Variants in TKTL1 observed in about 807,000 individuals in gnomAD.
TKTL1 encodes the protein transketolase-like protein 1.
In TKTL1, 1 loss-of-function variant was observed where a neutral mutation model predicts 39.3. The ratio of observed to expected loss-of-function variants is 0.03; its 90% CI spans 0.01 to 0.12. TKTL1 has a LOEUF of 0.12. Among genes scored for constraint, TKTL1 ranks in the 10% least tolerant of loss-of-function variants. The pLI, the probability that TKTL1 is intolerant of heterozygous loss-of-function variation, is 1.00. For synonymous variants in TKTL1, 262 were observed against 193.8 expected (o/e 1.35, Z -2.92); for missense variants, 575 against 509.6 (o/e 1.13, Z -1.24).
At chrX:154,308,572 CAG>C (rs2067332648) in intron 2 of TKTL1, among the ~76,000 whole-genome samples, 1 of 112,024 alleles carries the variant, frequency 8.9e-6, no homozygotes, top group Admixed American at 9.5e-5. Context: ...ACTGCAGTGA[CAG>C]AGGCAAGGGA....
chrX:154,297,192 T>C (rs1196779169), intron 1 of TKTL1, among the ~76,000 whole-genome samples: 1 of 112,013 alleles, frequency 8.9e-6, no homozygotes, highest in African/African-American at 3.2e-5. Context: ...TTGAATTTGC[T>C]AGTATGCGGT....
chrX:154,308,513 T>TC (rs2067332231), intron 2 of TKTL1, among the ~76,000 whole-genome samples: 1 of 111,250 alleles, frequency 9.0e-6, no homozygotes, highest in Non-Finnish European at 1.9e-5. Flanking sequence ...TTTAACAGGC[T>TC]CCCCCTTGTG....
chrX:154,312,903 TG>T, intron 6 of TKTL1, 130 bp downstream of exon 6: 1 of 623,414 alleles, frequency 1.6e-6, no homozygotes, highest in Non-Finnish European at 2.4e-6. Flanking sequence ...TAGAGTGACA[TG>T]TAACTAACAG....
rs1557167808 is a variant in TKTL1 at position 154,309,336 on chromosome X, C to G, written c.253-9C>G. The G allele has an allele frequency of 5.8e-6, 7 of 1,207,809 alleles. No individual in the cohort carries two copies. The South Asian group carries it at 1.1e-4, about 18-fold the overall frequency. On this transcript the variant is annotated splice_polypyrimidine_tract_variant and intron_variant, in intron 2 of 12. Coordinates refer to ENST00000369915, the MANE Select transcript of TKTL1 (RefSeq NM_012253.4). ...TGCGTCTGGGCTCACTGGGTCCCTT[C>G]TCTTACAGAGACTGTCGTTTGTGGA...
At position 154,323,314 on chromosome X, in the gene TKTL1, G is replaced by C. The variant is rs782232261; in HGVS notation, c.1294G>C (p.Val432Leu). Residue 432 changes from valine (V) to leucine (L), a missense_variant, in exon 9 of 13, where the codon GTT (valine) becomes CTT (leucine). Physicochemically the swap from Val to Leu is conservative, Grantham distance 32. Transcript: ENST00000369915. ...PTDAVSTEHA[V>L]ALAANAKGMC... is the part of the protein sequence containing the mutation. ...TGATGCCGTCTCCACGGAGCATGCT[G>C]TTGCTCTGGCAGCCAATGCCAAGGT... 4 of 1,209,912 alleles carry C rather than the reference G, an allele frequency of 3.3e-6. No homozygotes were observed. The Admixed American group carries it at 8.7e-5, about 26-fold the overall frequency.
At chrX:154,315,855 C>T (rs1452669510) in intron 7 of TKTL1, among the ~76,000 whole-genome samples, 3 of 112,267 alleles carry the variant, frequency 2.7e-5, no homozygotes, top group Non-Finnish European at 3.8e-5. Flanking sequence ...TTATCTATGC[C>T]TCAGTCTCTC....
chrX:154,310,009 A>G (rs1206613204), intron 3 of TKTL1, among the ~76,000 whole-genome samples: 8 of 109,644 alleles, frequency 7.3e-5, no homozygotes, highest in Non-Finnish European at 1.3e-4. Context: ...TGCTGGGATT[A>G]CAGATGTGAG....
At chrX:154,315,033 A>C in intron 6 of TKTL1, 140 bp from the exon 7 acceptor site, 6 of 661,143 alleles carry the variant, frequency 9.1e-6, no homozygotes, top group Middle Eastern at 3.5e-4. Context: ...CATTAAAGGA[A>C]ATTTTTGGTG....
intron 2 of TKTL1, among the ~76,000 whole-genome samples, chrX:154,308,441 T>A (rs782587773): frequency 5.4e-5 from 6 of 111,616 alleles, no homozygotes; most frequent in Non-Finnish European, 1.1e-4. Flanking sequence ...ACAGTTGAGC[T>A]CTACTTGGTG....
intron 1 of TKTL1, among the ~76,000 whole-genome samples, chrX:154,297,864 C>T (rs782697832): frequency 7.2e-4 from 80 of 111,740 alleles, no homozygotes; most frequent in Non-Finnish European, 1.2e-3. Context: ...AAGATTGTGC[C>T]ACTACGGCCT....
At position 154,320,829 on chromosome X, in the gene TKTL1, A is replaced by G. The variant is rs144486560; in HGVS notation, c.1102A>G (p.Thr368Ala). The G allele has an allele frequency of 5.0e-6, 6 of 1,208,935 alleles. No individual in the cohort carries two copies. The African/African-American group carries it at 8.8e-5, about 18-fold the overall frequency. Residue 368 changes from threonine (T) to alanine (A), a missense_variant, in exon 8 of 13, where the codon ACT (threonine) becomes GCT (alanine). Coordinates refer to ENST00000369915, the MANE Select transcript of TKTL1 (RefSeq NM_012253.4). The part of the protein sequence containing the change: ...AFASTFAAFL[T>A]RAFDHIRIGG... ...TGCTAGCACCTTTGCTGCCTTTCTG[A>G]CTCGAGCATTTGATCACATCCGGAT... is the stretch of plus-strand genomic sequence containing the variant.
At chrX:154,301,553 G>T (rs1294706553) in intron 1 of TKTL1, among the ~76,000 whole-genome samples, 2 of 112,161 alleles carry the variant, frequency 1.8e-5, no homozygotes, top group East Asian at 5.5e-4. Flanking sequence ...CAGAGCCTGG[G>T]CTAGATAGTA....
rs12010971 is a variant in TKTL1, at chrX:154,329,810, A to C, written c.*122A>C. ...AAAAGCAAAGCCAGCTAACACCTTC[A>C]TTCATCCCTAGTTCGGAAATTCAAG... On this transcript the variant is annotated 3_prime_UTR_variant, in exon 13 of 13. Transcript: ENST00000369915. The C allele has an allele frequency of 0.01, 8,187 of 792,625 alleles. 442 individuals are homozygous for C. The African/African-American group carries it at 0.15, about 14-fold the overall frequency. The allele number at this position is 792,625 out of a possible 1,213,427, so 65.3% of individuals were successfully genotyped here. A position where few individuals can be genotyped will look rare whatever the true frequency, so the allele number is the denominator to read the frequency against.
rs782054909 is a variant in TKTL1, at chrX:154,323,396, A to C, written c.1317+59A>C. ...AATGCTTCTGGACTCTGCTAGTTTC[A>C]TACTGATGATTGGACTTTTTTTTCT... On this transcript the variant is annotated intron_variant, in intron 9 of 12. Coordinates refer to ENST00000369915, the MANE Select transcript of TKTL1 (RefSeq NM_012253.4). 7.9e-6 allele frequency: 9 copies of C among 1,134,870 alleles called. No individual in the cohort carries two copies. In the African/African-American group the frequency reaches 9.3e-5, roughly 12 times the overall value. The allele number at this position is 1,134,870 out of a possible 1,213,427, so 93.5% of individuals were successfully genotyped here.
At chrX:154,310,428 CTCAA>C (rs1224762351) in intron 3 of TKTL1, among the ~76,000 whole-genome samples, 4 of 112,116 alleles carry the variant, frequency 3.6e-5, no homozygotes, top group Non-Finnish European at 7.5e-5. Flanking sequence ...GAAACTCTGC[CTCAA>C]ACAAACAAAC....
rs782321454 is a variant in TKTL1, at chrX:154,311,041, C to T, written c.542+14C>T. 62 of 1,209,928 alleles carry T rather than the reference C, an allele frequency of 5.1e-5. No homozygotes were observed. Among genetic ancestry groups the T allele is most frequent in the Non-Finnish European group, 6.9e-5 (62 of 894,848 alleles). ...CGAAGCCTTTGGGTAACTGTATTCT[C>T]TTGTGCTTGATTTCCATTCTGTCCT... On this transcript the variant is annotated intron_variant, in intron 4 of 12. Transcript: ENST00000369915.
chrX:154,315,392 G>A (rs1390394193), intron 7 of TKTL1, 55 bp downstream of exon 7: 4 of 1,084,507 alleles, frequency 3.7e-6, no homozygotes, highest in African/African-American at 3.7e-5. Context: ...ACTGGACACA[G>A]GAGGCCCAGC....
At chrX:154,323,173 T>C in intron 8 of TKTL1, 34 bp from the exon 9 acceptor site, 1 of 1,206,394 alleles carries the variant, frequency 8.3e-7, no homozygotes, top group South Asian at 1.8e-5. Flanking sequence ...AATGGGGTTA[T>C]GCTCCTGTTT....
chrX:154,305,002 A>G (rs1423383067), intron 1 of TKTL1: 9 of 1,042,978 alleles, frequency 8.6e-6, no homozygotes, highest in Non-Finnish European at 1.1e-5. Context: ...GCATGTGGAA[A>G]GGCCACAGAT....
Sources: allele counts gnomAD v4.1 joint callset (sites outside exome capture counted in the v4.1 genomes callset), GRCh38; gene constraint gnomAD v4.1.1; transcripts MANE v1.5; gene names NCBI Gene and HGNC (gene_info 2026-07-23, HGNC 2026-07-21).